CRACDL: variants seen among roughly 807,000 people sequenced by gnomAD.
The protein encoded by CRACDL is CRACD like.
CRACDL carries 26 observed loss-of-function variants against 70.6 expected under a neutral mutation model. That is an observed-to-expected ratio of 0.37 (90% CI 0.27 to 0.51). CRACDL has a LOEUF of 0.51. CRACDL is among the 20% of genes least tolerant of loss of function. The pLI, the probability that CRACDL is intolerant of heterozygous loss-of-function variation, is 0.94. For synonymous variants in CRACDL, 618 were observed against 615.2 expected, an observed-to-expected ratio of 1.00 and a Z score of -0.07; for missense variants, 1,283 against 1,376.9, an observed-to-expected ratio of 0.93 and a Z score of 1.08.
intron 1 of CRACDL, among the ~76,000 whole-genome samples, chr2:98,847,717 C>T (rs1463026449): frequency 6.6e-6 from 1 of 152,204 alleles, no homozygotes; most frequent in African/African-American, 2.4e-5. Flanking sequence ...CCTCCATATA[C>T]TATCACACCA....
chr2:98,893,895 C>T (rs1460851721), intron 1 of CRACDL, among the ~76,000 whole-genome samples: 1 of 152,236 alleles, frequency 6.6e-6, no homozygotes, highest in African/African-American at 2.4e-5. Flanking sequence ...CGCCCGTGCA[C>T]CACACAGTGG....
At chr2:98,891,402 A>AAAAAAAAAAAAAAAAAAC (rs1707977218) in intron 1 of CRACDL, among the ~76,000 whole-genome samples, 1 of 149,738 alleles carries the variant, frequency 6.7e-6, no homozygotes, top group Non-Finnish European at 1.5e-5. Flanking sequence ...AAAAAAAAAA[A>AAAAAAAAAAAAAAAAAAC]AAATCCAAAC....
chr2:98,852,892 A>C (rs977222207), intron 1 of CRACDL, among the ~76,000 whole-genome samples: 14 of 143,082 alleles, frequency 9.8e-5, no homozygotes, highest in African/African-American at 3.3e-4. Flanking sequence ...AGAAACAGGG[A>C]GTGGGGGGAG....
chr2:98,920,883 C>T (rs1051231100), intron 1 of CRACDL, among the ~76,000 whole-genome samples: 2 of 152,202 alleles, frequency 1.3e-5, no homozygotes, highest in African/African-American at 4.8e-5. Context: ...GCAGCAAATG[C>T]GTGTTGACAA....
At chr2:98,919,073 T>C (rs1165681210) in intron 1 of CRACDL, among the ~76,000 whole-genome samples, 1 of 152,210 alleles carries the variant, frequency 6.6e-6, no homozygotes, top group Non-Finnish European at 1.5e-5. Context: ...GGTCTTACAT[T>C]TGAGTCTTTA....
At chr2:98,885,384 AT>A (rs1355784317) in intron 1 of CRACDL, among the ~76,000 whole-genome samples, 1 of 152,046 alleles carries the variant, frequency 6.6e-6, no homozygotes, top group Admixed American at 6.6e-5. Flanking sequence ...AAGCTACTGC[AT>A]TTTTTTTCCA....
chr2:98,931,483 T>G (rs1382030589), intron 1 of CRACDL, among the ~76,000 whole-genome samples: 2 of 152,280 alleles, frequency 1.3e-5, no homozygotes, highest in East Asian at 3.9e-4. Flanking sequence ...ACCCCGCAGC[T>G]AATGGTTCTG....
In CRACDL at chr2:98,936,216, G is replaced by C. The variant is rs1048575791; in HGVS notation, c.-289C>G. 5.3e-5 allele frequency: 8 copies of C among 149,826 alleles called. No individual in the cohort carries two copies. The highest frequency in any genetic ancestry group is 1.9e-4 in the African/African-American group (8 of 41,292). 9.3% of individuals were successfully genotyped at this position (149,826 alleles called of 1,614,324 possible). A position where few individuals can be genotyped will look rare whatever the true frequency, so the allele number is the denominator to read the frequency against. ...AGCTGCAGGCGCGCCGGCTTCGCTC[G>C]GCTCCGCTCGGCTCGGCGGGGGCGG... On this transcript the variant is annotated 5_prime_UTR_variant, in exon 1 of 10. Coordinates refer to ENST00000397899, the MANE Select transcript of CRACDL (RefSeq NM_207362.3).
chr2:98,869,045 C>T (rs905604581), intron 1 of CRACDL: 22 of 1,282,936 alleles, frequency 1.7e-5, no homozygotes, highest in Non-Finnish European at 2.2e-5. Flanking sequence ...TCGCGACTCT[C>T]CCCCACCACC....
chr2:98,889,338 A>AG (rs1491587218), intron 1 of CRACDL, among the ~76,000 whole-genome samples: 24 of 123,512 alleles, frequency 1.9e-4, no homozygotes, highest in African/African-American at 3.1e-4. Context: ...AAAGAAAGAA[A>AG]GAAAGGAAAC....
chr2:98,917,871 T>C (rs530269800), intron 1 of CRACDL, among the ~76,000 whole-genome samples: 4 of 152,338 alleles, frequency 2.6e-5, no homozygotes, highest in East Asian at 1.9e-4. Context: ...AGTGAGAACA[T>C]GGGGTATTTT....
chr2:98,866,467 C>G (rs1343251515), intron 1 of CRACDL, among the ~76,000 whole-genome samples: 1 of 129,294 alleles, frequency 7.7e-6, no homozygotes, highest in Non-Finnish European at 1.6e-5. Flanking sequence ...ATGAAACAAT[C>G]ACTTCTTCTT....
intron 1 of CRACDL, among the ~76,000 whole-genome samples, chr2:98,895,805 C>T (rs985583995): frequency 6.6e-6 from 1 of 152,086 alleles, no homozygotes; most frequent in Non-Finnish European, 1.5e-5. Flanking sequence ...AATCTTAACC[C>T]CAAGCTGATG....
chr2:98,797,565 A>G, intron 7 of CRACDL, 28 bp from the exon 8 acceptor site: 1 of 1,607,964 alleles, frequency 6.2e-7, no homozygotes, highest in Non-Finnish European at 8.5e-7. Context: ...AAGATTATAG[A>G]AACAGTCCTA....
At chr2:98,799,705 C>T (rs1703992942) in intron 7 of CRACDL, among the ~76,000 whole-genome samples, 3 of 152,322 alleles carry the variant, frequency 2.0e-5, no homozygotes, top group African/African-American at 4.8e-5. Context: ...GCCTATGTCT[C>T]GTCAGCCACT....
chr2:98,898,437 CG>C (rs2104650738), intron 1 of CRACDL, among the ~76,000 whole-genome samples: 1 of 152,340 alleles, frequency 6.6e-6, no homozygotes, highest in South Asian at 2.1e-4. Context: ...GTTCAAAAAA[CG>C]GAGGGCCAGG....
rs563307356 is a variant in CRACDL at position 98,805,805 on chromosome 2, G to A, written c.2417-8268C>T. Among the ~76,000 whole-genome samples, 10 of 152,318 alleles carry A rather than the reference G, an allele frequency of 6.6e-5. No homozygotes were observed. The South Asian group carries it at 1.5e-3, about 22-fold the overall frequency. On this transcript the variant is annotated intron_variant, in intron 7 of 9. Transcript: ENST00000397899. ...AGGCACTGCCAAGGGCTCCTCAGCC[G>A]GCTCTCCTGCTTTCCCAGGCCAGGC...
At chr2:98,884,228 G>C (rs1236462899) in intron 1 of CRACDL, among the ~76,000 whole-genome samples, 1 of 152,192 alleles carries the variant, frequency 6.6e-6, no homozygotes, top group Non-Finnish European at 1.5e-5. Context: ...AGGGAGCCTG[G>C]ATCAGCAGCA....
chr2:98,809,241 T>C (rs1704453128), intron 7 of CRACDL, among the ~76,000 whole-genome samples: 1 of 152,028 alleles, frequency 6.6e-6, no homozygotes, highest in African/African-American at 2.4e-5. Flanking sequence ...AGCAGGACTC[T>C]TTGGAGCCTT....
Sources: gnomAD v4.1 joint callset for allele counts (sites outside exome capture counted in the v4.1 genomes callset) on GRCh38, gnomAD v4.1.1 for gene constraint, MANE v1.5 for transcripts, NCBI Gene and HGNC (gene_info 2026-07-23, HGNC 2026-07-21) for gene names.